Variants in NECTIN1 observed in about 807,000 individuals in gnomAD.
The protein encoded by NECTIN1 is nectin cell adhesion molecule 1, also known as nectin-1.
Under a neutral mutation model 48.0 loss-of-function variants are expected in NECTIN1, and 23 were observed. The ratio of observed to expected loss-of-function variants is 0.48; its 90% CI spans 0.34 to 0.68. The LOEUF is 0.68. Among genes scored for constraint, NECTIN1 ranks in the 30% least tolerant of loss-of-function variants. NECTIN1 has a pLI of 0.01. For synonymous variants in NECTIN1, 270 were observed against 288.9 expected (o/e 0.93, Z 0.66); for missense variants, 591 against 709.9 (o/e 0.83, Z 1.90).
At chr11:119,653,885 T>C (rs1430424585) in intron 5 of NECTIN1, 1 of 152,134 alleles carries the variant, frequency 6.6e-6, no homozygotes, top group African/African-American at 2.4e-5. Flanking sequence ...ATCCCAGCAG[T>C]CTACTCACGT....
At chr11:119,687,981 G>A (rs1865188303) in intron 1 of NECTIN1, among the ~76,000 whole-genome samples, 1 of 152,182 alleles carries the variant, frequency 6.6e-6, no homozygotes, top group Non-Finnish European at 1.5e-5. Flanking sequence ...AGTTCTAGGG[G>A]TTGTGTAGAA....
intron 1 of NECTIN1, among the ~76,000 whole-genome samples, chr11:119,715,556 A>C (rs919608006): frequency 6.6e-5 from 10 of 152,052 alleles, no homozygotes; most frequent in Non-Finnish European, 2.9e-5. Flanking sequence ...GGGTTTCACC[A>C]TGTTGGCCAG....
chr11:119,673,919 G>A lies in NECTIN1; in HGVS notation c.1003+1240C>T, dbSNP rs1358786540. Among the ~76,000 whole-genome samples the A allele has an allele frequency of 6.6e-6, 1 of 152,160 alleles. No individual in the cohort carries two copies. The highest frequency in any genetic ancestry group is 1.5e-5 in the Non-Finnish European group (1 of 68,036). On this transcript the variant is annotated intron_variant, in intron 5 of 5. Coordinates refer to ENST00000264025, the MANE Select transcript of NECTIN1 (RefSeq NM_002855.5). This position sits in a 1 kb window ranked among gnomAD's most constrained non-coding sequence, Gnocchi z 5.8. Reference sequence around the variant, plus strand: ...CTCCTCCTCCTATGACTAGTCTCGGGGCCAAGGCCAGGGATTGCAGACAAC... The same window carrying A: ...CTCCTCCTCCTATGACTAGTCTCGGAGCCAAGGCCAGGGATTGCAGACAAC...
chr11:119,651,390 T>C (rs904251380), intron 5 of NECTIN1, among the ~76,000 whole-genome samples: 3 of 152,084 alleles, frequency 2.0e-5, no homozygotes, highest in Non-Finnish European at 4.4e-5. Context: ...CAGATACTTC[T>C]GTGGAGGAAA....
intron 4 of NECTIN1, among the ~76,000 whole-genome samples, chr11:119,676,555 G>C (rs755279950): frequency 1.3e-5 from 2 of 152,222 alleles, no homozygotes; most frequent in Non-Finnish European, 2.9e-5. Flanking sequence ...GCCGGCTGGA[G>C]GGGAGAAGGC....
chr11:119,706,559 T>C (rs533367557), intron 1 of NECTIN1, among the ~76,000 whole-genome samples: 7 of 152,332 alleles, frequency 4.6e-5, no homozygotes, highest in Non-Finnish European at 7.4e-5. Context: ...GCTAAATTTG[T>C]GTTTCCCCCT....
intron 1 of NECTIN1, among the ~76,000 whole-genome samples, chr11:119,716,994 G>T (rs1260130341): frequency 6.6e-6 from 1 of 152,218 alleles, no homozygotes; most frequent in African/African-American, 2.4e-5. Flanking sequence ...TCATTACAGC[G>T]CAAACTGTGT....
intron 5 of NECTIN1, among the ~76,000 whole-genome samples, chr11:119,644,722 G>A (rs935534696): frequency 6.6e-6 from 1 of 152,198 alleles, no homozygotes; most frequent in Non-Finnish European, 1.5e-5. Flanking sequence ...AGTTCACCGC[G>A]AGAAGAACAT....
intron 1 of NECTIN1, among the ~76,000 whole-genome samples, chr11:119,699,968 C>T (rs1422548368): frequency 6.6e-6 from 1 of 152,180 alleles, no homozygotes; most frequent in African/African-American, 2.4e-5. Flanking sequence ...TGGGAACCAC[C>T]ACCACCCCAG....
chr11:119,728,403 G>T, intron 1 of NECTIN1, 72 bp downstream of exon 1: 3 of 1,426,476 alleles, frequency 2.1e-6, no homozygotes, highest in Non-Finnish European at 2.9e-6. Context: ...ATCCAGTCGT[G>T]CCCGCCATCC....
chr11:119,724,131 T>G (rs553958328), intron 1 of NECTIN1, among the ~76,000 whole-genome samples: 1 of 152,292 alleles, frequency 6.6e-6, no homozygotes, highest in African/African-American at 2.4e-5. Context: ...TCACACCCTT[T>G]TTAATTGCCC....
At chr11:119,640,595 C>G (rs545880957) in intron 5 of NECTIN1, 1 of 156,540 alleles carries the variant, frequency 6.4e-6, no homozygotes, top group Non-Finnish European at 1.4e-5. Context: ...GCTGAGCCCA[C>G]CTTCTGGACC....
rs575634737 is a variant in NECTIN1 at position 119,678,835 on chromosome 11, G to A, written c.80-70C>T. 962 of 1,037,156 alleles carry A rather than the reference G, an allele frequency of 9.3e-4. No homozygotes were observed. Among genetic ancestry groups the A allele is most frequent in the Non-Finnish European group, 1.1e-3 (746 of 678,222 alleles). The allele number at this position is 1,037,156 out of a possible 1,614,324, so 64.2% of individuals were successfully genotyped here. On this transcript the variant is annotated intron_variant, in intron 1 of 5. Transcript: ENST00000264025. This position sits in a 1 kb window ranked among gnomAD's most constrained non-coding sequence, Gnocchi z 4.4. ...TCCCCCCACCCACACAGTTCCCTGT[G>A]CTCTGGCCTTGTCTTTTATAGCAGT...
At chr11:119,691,589 C>T (rs1423436921) in intron 1 of NECTIN1, among the ~76,000 whole-genome samples, 1 of 152,242 alleles carries the variant, frequency 6.6e-6, no homozygotes, top group Non-Finnish European at 1.5e-5. Flanking sequence ...TCCCTTTCCC[C>T]AGTGCCCAGA....
chr11:119,726,335 C>T (rs1436800136), intron 1 of NECTIN1, among the ~76,000 whole-genome samples: 2 of 152,186 alleles, frequency 1.3e-5, no homozygotes, highest in Non-Finnish European at 2.9e-5. Flanking sequence ...ACCATATCCA[C>T]CTGCCTCCCT....
intron 1 of NECTIN1, among the ~76,000 whole-genome samples, chr11:119,689,264 A>G (rs1196139948): frequency 6.6e-6 from 1 of 152,110 alleles, no homozygotes; most frequent in Non-Finnish European, 1.5e-5. Context: ...CTTTTCTTTG[A>G]ACATAGGAGG....
intron 5 of NECTIN1, chr11:119,643,085 A>C (rs1864349329): frequency 6.5e-6 from 1 of 153,786 alleles, no homozygotes; most frequent in African/African-American, 2.4e-5. Context: ...CCAGGGCCAC[A>C]GTGGATAACT....
intron 1 of NECTIN1, among the ~76,000 whole-genome samples, chr11:119,689,819 G>A (rs1489507129): frequency 6.6e-6 from 1 of 152,206 alleles, no homozygotes; most frequent in African/African-American, 2.4e-5. Flanking sequence ...TGGTGACCTT[G>A]AACTCTTGGA....
At chr11:119,725,738 A>C (rs111757109) in intron 1 of NECTIN1, among the ~76,000 whole-genome samples, 6 of 152,270 alleles carry the variant, frequency 3.9e-5, no homozygotes, top group African/African-American at 1.4e-4. Context: ...GTGTGCTGTG[A>C]CCCGACAGGT....
Sources: gnomAD v4.1 joint callset for allele counts (sites outside exome capture counted in the v4.1 genomes callset) on GRCh38, gnomAD v4.1.1 for gene constraint, Gnocchi (gnomAD v3.1) non-coding constraint, MANE v1.5 for transcripts, NCBI Gene and HGNC (gene_info 2026-07-23, HGNC 2026-07-21) for gene names.